RORA: variants seen among roughly 807,000 people sequenced by gnomAD.
RORA encodes RAR related orphan receptor A.
RORA carries 7 observed loss-of-function variants against 69.5 expected under a neutral mutation model. The observed-to-expected ratio is 0.10, with a 90% confidence interval of 0.06 to 0.19. RORA has a LOEUF of 0.19. Ranked by LOEUF, RORA falls within the 10% of genes least tolerant of loss-of-function variation. RORA has a pLI of 1.00. For missense variants in RORA, 457 were observed against 663.0 expected (o/e 0.69, Z 3.41); for synonymous variants, 261 against 240.8 (o/e 1.08, Z -0.78).
At chr15:61,089,340 G>C (rs1404133076) in intron 1 of RORA, among the ~76,000 whole-genome samples, 2 of 152,182 alleles carry the variant, frequency 1.3e-5, no homozygotes, top group Admixed American at 6.5e-5. Context: ...GAAGAACAGA[G>C]ACCTTGCTAA....
chr15:61,003,865 A>C (rs944008273), intron 1 of RORA, among the ~76,000 whole-genome samples: 2 of 152,196 alleles, frequency 1.3e-5, no homozygotes, highest in African/African-American at 4.8e-5. Flanking sequence ...GGTGGGAAGC[A>C]GATGGGAAGG....
intron 1 of RORA, among the ~76,000 whole-genome samples, chr15:60,789,891 G>C (rs1402553157): frequency 4.6e-5 from 7 of 152,140 alleles, no homozygotes; most frequent in Non-Finnish European, 1.5e-5. Flanking sequence ...TAAAGAAAAA[G>C]GAACTACTTT....
intron 1 of RORA, among the ~76,000 whole-genome samples, chr15:60,777,692 G>A (rs1458113087): frequency 6.6e-6 from 1 of 152,140 alleles, no homozygotes; most frequent in East Asian, 1.9e-4. Context: ...ACTCTAAGAG[G>A]TGAAGTCGAA....
intron 1 of RORA, among the ~76,000 whole-genome samples, chr15:60,921,775 G>C (rs8025436): frequency 3.3e-5 from 5 of 151,964 alleles, no homozygotes; most frequent in Non-Finnish European, 5.9e-5. Context: ...CCTCATCTGC[G>C]AAACCAGCAT....
rs527246183 is a variant in RORA at position 60,883,314 on chromosome 15, T to A, written c.167-204628A>T. 5.2e-4 allele frequency among the ~76,000 whole-genome samples: 79 copies of A among 152,208 alleles called. 1 individual carries two copies. The Middle Eastern group carries it at 0.014, about 26-fold the overall frequency. On this transcript the variant is annotated intron_variant, in intron 1 of 10. Transcript: ENST00000335670. ...ATACGTGGTACAAATAGGGACTCTT[T>A]TGGAAAACTGACAACATGGATTCAG...
chr15:60,602,828 TC>T (rs1309002704), intron 2 of RORA, among the ~76,000 whole-genome samples: 2 of 152,222 alleles, frequency 1.3e-5, no homozygotes, highest in African/African-American at 4.8e-5. Context: ...AGGATACAGT[TC>T]TTTGAGTTGT....
chr15:61,181,340 T>C (rs1018173520), intron 1 of RORA: 1 of 152,058 alleles, frequency 6.6e-6, no homozygotes, highest in Non-Finnish European at 1.5e-5. Context: ...AAAAACATTA[T>C]CTCCTGGAAG....
intron 2 of RORA, among the ~76,000 whole-genome samples, chr15:60,629,277 C>A (rs1395153564): frequency 2.1e-5 from 3 of 142,356 alleles, no homozygotes; most frequent in African/African-American, 5.3e-5. Flanking sequence ...ACCTCCGCCT[C>A]CTGGGTTCAA....
chr15:60,653,082 C>T (rs952388335), intron 2 of RORA, among the ~76,000 whole-genome samples: 23 of 152,278 alleles, frequency 1.5e-4, no homozygotes, highest in Admixed American at 1.0e-3. Context: ...TGAGATGTTA[C>T]GCTGTGGGCT....
intron 1 of RORA, among the ~76,000 whole-genome samples, chr15:61,155,630 G>A (rs566477887): frequency 2.0e-5 from 3 of 152,174 alleles, no homozygotes; most frequent in East Asian, 3.8e-4. Flanking sequence ...ACCGATCAAT[G>A]GGAAAGATTA....
intron 1 of RORA, among the ~76,000 whole-genome samples, chr15:60,693,272 A>G (rs1351240186): frequency 1.3e-5 from 2 of 152,228 alleles, no homozygotes; most frequent in Non-Finnish European, 2.9e-5. Context: ...AAAACTCTCA[A>G]TTAACTAGGT....
intron 1 of RORA, among the ~76,000 whole-genome samples, chr15:61,067,436 G>A (rs1244770508): frequency 6.6e-6 from 1 of 152,038 alleles, no homozygotes; most frequent in Non-Finnish European, 1.5e-5. Context: ...TTTTCAACTT[G>A]TGCAATTTCA....
intron 2 of RORA, among the ~76,000 whole-genome samples, chr15:60,547,317 TCTC>T (rs1337278173): frequency 4.0e-4 from 51 of 128,974 alleles, no homozygotes; most frequent in African/African-American, 1.3e-3. Context: ...TTATAGTCCC[TCTC>T]CTCCTTTTTT....
chr15:60,513,579 A>C (rs1027380485), intron 4 of RORA, among the ~76,000 whole-genome samples: 1 of 152,250 alleles, frequency 6.6e-6, no homozygotes, highest in African/African-American at 2.4e-5. Context: ...TCAGTTTAGT[A>C]CCATCGGAAG....
intron 1 of RORA, among the ~76,000 whole-genome samples, chr15:61,144,644 T>C (rs2079329034): frequency 6.6e-6 from 1 of 152,184 alleles, no homozygotes; most frequent in South Asian, 2.1e-4. Context: ...AAAGATAACA[T>C]GGTTGGCAAC....
intron 1 of RORA, among the ~76,000 whole-genome samples, chr15:60,946,720 T>G (rs949547193): frequency 2.0e-5 from 3 of 147,094 alleles, no homozygotes; most frequent in Non-Finnish European, 3.0e-5. Flanking sequence ...CGTCTCTGCC[T>G]GGCTGCCCAT....
At chr15:60,763,065 ATT>A (rs374433414) in intron 1 of RORA, among the ~76,000 whole-genome samples, 2,730 of 48,140 alleles carry the variant, frequency 0.057, 62 homozygotes, top group Non-Finnish European at 0.081. Context: ...ATATGCACAG[ATT>A]TTTTTTTTTT....
At chr15:61,163,981 GC>G (rs1399035790) in intron 1 of RORA, among the ~76,000 whole-genome samples, 1 of 152,148 alleles carries the variant, frequency 6.6e-6, no homozygotes, top group Non-Finnish European at 1.5e-5. Flanking sequence ...CTGAGTCTGG[GC>G]TCAATAAACT....
chr15:61,058,842 A>G (rs1016499338), intron 1 of RORA, among the ~76,000 whole-genome samples: 3 of 152,210 alleles, frequency 2.0e-5, no homozygotes, highest in African/African-American at 7.2e-5. Flanking sequence ...ATGTTTAAGC[A>G]TCCAAAGCCC....
Sources: gnomAD v4.1 joint callset for allele counts (sites outside exome capture counted in the v4.1 genomes callset) on GRCh38, gnomAD v4.1.1 for gene constraint, MANE v1.5 for transcripts, NCBI Gene and HGNC (gene_info 2026-07-23, HGNC 2026-07-21) for gene names.